Variants in SETBP1 observed in about 807,000 individuals in gnomAD.
SETBP1 encodes the protein SET binding protein 1.
In SETBP1, 9 loss-of-function variants were observed where a neutral mutation model predicts 101.0. The observed-to-expected ratio is 0.09, with a 90% CI of 0.05 to 0.16. The LOEUF (loss-of-function observed/expected upper bound fraction) is 0.16. SETBP1 is among the 10% of genes least tolerant of loss of function. The pLI, the probability that SETBP1 is intolerant of heterozygous loss-of-function variation, is 1.00. For synonymous variants in SETBP1, 818 were observed against 788.5 expected (o/e 1.04, Z -0.63); for missense variants, 1,858 against 2,033.8 (o/e 0.91, Z 1.66).
At position 44,700,836 on chromosome 18, in the gene SETBP1, A is replaced by G. The variant is rs549003646; in HGVS notation, c.-172-339A>G. Among the ~76,000 whole-genome samples the G allele has an allele frequency of 5.3e-5, 8 of 152,262 alleles. No individual in the cohort carries two copies. In the South Asian group the frequency reaches 8.3e-4, roughly 16 times the overall value. The stretch of plus-strand genomic sequence containing the variant: ...CAACACTTCAGACTTCCCTTTCGTC[A>G]TGATTGGTTTTAACAGTGACTCAGC... On this transcript the variant is annotated intron_variant, in intron 1 of 5. Coordinates refer to ENST00000649279, the MANE Select transcript of SETBP1 (RefSeq NM_015559.3).
At chr18:44,698,544 CACGTCTTCCCTTTCTCTGCT>C (rs2069059009) in intron 1 of SETBP1, among the ~76,000 whole-genome samples, 1 of 152,150 alleles carries the variant, frequency 6.6e-6, no homozygotes, top group Non-Finnish European at 1.5e-5. Context: ...GACGTGGCCT[CACGTCTTCCCTTTCTCTGCT>C]ACGTCTTCCT....
chr18:44,837,919 A>G (rs117883970), intron 2 of SETBP1, among the ~76,000 whole-genome samples: 131 of 152,258 alleles, frequency 8.6e-4, no homozygotes, highest in East Asian at 3.5e-3. Flanking sequence ...CTCTAGTCAC[A>G]CTAGAGGAAT....
At chr18:45,042,838 G>A (rs1335964598) in intron 5 of SETBP1, among the ~76,000 whole-genome samples, 1 of 152,136 alleles carries the variant, frequency 6.6e-6, no homozygotes, top group African/African-American at 2.4e-5. Context: ...CTGGGAGGGA[G>A]GATGACAGTG....
intron 2 of SETBP1, among the ~76,000 whole-genome samples, chr18:44,713,402 T>G (rs1568104453): frequency 6.6e-6 from 1 of 152,182 alleles, no homozygotes; most frequent in Non-Finnish European, 1.5e-5. Context: ...TATATTGCAC[T>G]AGGCATCCCT....
intron 2 of SETBP1, among the ~76,000 whole-genome samples, chr18:44,769,217 T>C (rs2070823843): frequency 6.6e-6 from 1 of 152,248 alleles, no homozygotes; most frequent in African/African-American, 2.4e-5. Context: ...AGAGAATTTC[T>C]ACTTAACACA....
chr18:44,744,641 G>A (rs1236272868), intron 2 of SETBP1, among the ~76,000 whole-genome samples: 3 of 152,180 alleles, frequency 2.0e-5, no homozygotes, highest in African/African-American at 7.2e-5. Context: ...CGCCTGGCGC[G>A]ACGACTGCTG....
At chr18:44,853,976 C>T (rs570457870) in intron 2 of SETBP1, among the ~76,000 whole-genome samples, 24 of 152,260 alleles carry the variant, frequency 1.6e-4, no homozygotes, top group African/African-American at 5.3e-4. Flanking sequence ...TACATCAGAC[C>T]GGTCTTCATT....
intron 3 of SETBP1, among the ~76,000 whole-genome samples, chr18:44,910,084 G>C (rs561529487): frequency 6.6e-6 from 1 of 152,286 alleles, no homozygotes; most frequent in African/African-American, 2.4e-5. Context: ...GTTTCTGAAG[G>C]CTGAGAACTG....
Position 44,952,567 on chromosome 18 carries a change from C to G in SETBP1, c.3227C>G (p.Ser1076Trp). Residue 1076 changes from serine (S) to tryptophan (W), a missense_variant, in exon 4 of 6, where the codon TCG becomes TGG. Coordinates refer to ENST00000649279, the MANE Select transcript of SETBP1 (RefSeq NM_015559.3). ...YGQYPAPLYLSHTLGAASPFM... is the reference protein window; with the variant it reads ...YGQYPAPLYLWHTLGAASPFM... ...CAGTACCCAGCTCCTTTGTACCTAT[C>G]GCACACGCTTGGAGCAGCTTCCCCA... 2 of 1,614,120 alleles carry G rather than the reference C, an allele frequency of 1.2e-6. No homozygotes were observed. Among genetic ancestry groups the G allele is most frequent in the Non-Finnish European group, 1.7e-6 (2 of 1,180,014 alleles).
At chr18:44,725,210 T>C (rs2069680902) in intron 2 of SETBP1, among the ~76,000 whole-genome samples, 1 of 152,224 alleles carries the variant, frequency 6.6e-6, no homozygotes, top group Non-Finnish European at 1.5e-5. Flanking sequence ...GATGCTGTTA[T>C]TGTTCTTTTC....
intron 2 of SETBP1, among the ~76,000 whole-genome samples, chr18:44,743,873 A>G (rs1338988742): frequency 1.3e-5 from 2 of 152,222 alleles, no homozygotes; most frequent in Non-Finnish European, 2.9e-5. Flanking sequence ...AAGTGAGTGT[A>G]AAGATGTCAC....
intron 1 of SETBP1, among the ~76,000 whole-genome samples, chr18:44,689,371 T>A (rs1476585833): frequency 6.6e-6 from 1 of 152,162 alleles, no homozygotes; most frequent in Non-Finnish European, 1.5e-5. Context: ...TGGTCCGAGG[T>A]CTTCTGTCCA....
chr18:44,802,689 G>A (rs528037434), intron 2 of SETBP1, among the ~76,000 whole-genome samples: 14 of 152,148 alleles, frequency 9.2e-5, no homozygotes, highest in African/African-American at 3.1e-4. Flanking sequence ...GCCTATGTGT[G>A]GTTTGTCTCA....
At position 44,950,478 on chromosome 18, in the gene SETBP1, G is replaced by C; in HGVS notation, c.1138G>C (p.Ala380Pro). The stretch of plus-strand genomic sequence containing the variant: ...TTATTCCGCAGATAGTGCCCAAGAG[G>C]CATCACCAGCCAGGCAGAACGTGAG... ...EGYSADSAQE[A>P]SPARQNVSSA... The change falls in exon 4 of 6, where the codon GCA (alanine) becomes CCA (proline). Residue 380 changes from alanine to proline, a missense_variant. Around this residue, in one of 12 missense-constraint regions of SETBP1, gnomAD observed 581 missense variants for 535.1 expected, o/e 1.09. Coordinates refer to ENST00000649279, the MANE Select transcript of SETBP1 (RefSeq NM_015559.3). 6.2e-7 allele frequency: 1 copy of C among 1,614,100 alleles called. No individual in the cohort carries two copies. The highest frequency in any genetic ancestry group is 1.1e-5 in the South Asian group (1 of 91,080).
intron 2 of SETBP1, among the ~76,000 whole-genome samples, chr18:44,852,219 T>C (rs2072882999): frequency 1.3e-5 from 2 of 152,082 alleles, no homozygotes; most frequent in Non-Finnish European, 2.9e-5. Flanking sequence ...CTTCAGGGGC[T>C]CCTCTGAGTG....
At chr18:44,897,010 C>G (rs1406114346) in intron 3 of SETBP1, among the ~76,000 whole-genome samples, 2 of 152,186 alleles carry the variant, frequency 1.3e-5, no homozygotes, top group Admixed American at 1.3e-4. Context: ...AGCTGTCGCC[C>G]AGAGTGTATT....
At chr18:44,756,033 G>A (rs1206143443) in intron 2 of SETBP1, among the ~76,000 whole-genome samples, 2 of 151,990 alleles carry the variant, frequency 1.3e-5, no homozygotes, top group African/African-American at 2.4e-5. Flanking sequence ...GGCTAACATG[G>A]TGAAACCCCG....
chr18:44,996,768 C>A (rs1422211908), intron 4 of SETBP1, among the ~76,000 whole-genome samples: 1 of 152,144 alleles, frequency 6.6e-6, no homozygotes, highest in Non-Finnish European at 1.5e-5. Flanking sequence ...CTTTGGGCTG[C>A]TACTCCTATA....
intron 3 of SETBP1, among the ~76,000 whole-genome samples, chr18:44,902,598 A>T (rs2070077520): frequency 6.6e-6 from 1 of 152,206 alleles, no homozygotes; most frequent in Non-Finnish European, 1.5e-5. Context: ...AAAATTTGAA[A>T]GAATACCAGA....
Sources: gnomAD v4.1 joint callset for allele counts (sites outside exome capture counted in the v4.1 genomes callset) on GRCh38, gnomAD v4.1.1 for gene constraint, gnomAD v4.1.1 regional missense constraint, MANE v1.5 for transcripts, NCBI Gene and HGNC (gene_info 2026-07-23, HGNC 2026-07-21) for gene names.